The following ALK variants were observed in gnomAD, a reference collection of about 807,000 sequenced individuals.
ALK encodes ALK tyrosine kinase receptor.
Under a neutral mutation model 163.1 loss-of-function variants are expected in ALK, and 74 were observed. The observed-to-expected ratio is 0.45, with a 90% CI of 0.38 to 0.55. The LOEUF (loss-of-function observed/expected upper bound fraction) is 0.55, where lower values mean the gene tolerates loss of function less well. Ranked by LOEUF, ALK falls within the 20% of genes least tolerant of loss-of-function variation. ALK has a pLI of 0.00. For missense variants in ALK, 2,063 were observed against 2,105.3 expected (o/e 0.98, Z 0.39); for synonymous variants, 960 against 843.2 (o/e 1.14, Z -2.40).
intron 5 of ALK, among the ~76,000 whole-genome samples, chr2:29,366,213 T>C (rs1038387755): frequency 6.6e-6 from 1 of 152,126 alleles, no homozygotes; most frequent in Non-Finnish European, 1.5e-5. Context: ...TGTGCAGTGA[T>C]GTGGAACAGA....
At chr2:29,767,819 C>T (rs1680904828) in intron 1 of ALK, among the ~76,000 whole-genome samples, 1 of 152,246 alleles carries the variant, frequency 6.6e-6, no homozygotes, top group Admixed American at 6.5e-5. Context: ...CTGGCGCCAT[C>T]TGGCCTGGCA....
At position 29,209,799 on chromosome 2, in the gene ALK, G is replaced by A. The variant is rs543620241; in HGVS notation, c.3823C>T (p.Arg1275Ter). Residue 1275 changes from arginine (R) to a stop codon, truncating the protein, a stop_gained, in exon 25 of 29, where the codon CGA becomes TGA. Transcript: ENST00000389048. LOFTEE classifies it high-confidence loss of function. Reference sequence around the variant, plus strand: ...GTCTTTACTCACCTGTAGATGTCTCGGGCCATCCCGAAGTCTCCAATCTTG... The same window carrying A: ...GTCTTTACTCACCTGTAGATGTCTCAGGCCATCCCGAAGTCTCCAATCTTG... The part of the protein sequence containing the change: ...VAKIGDFGMA[R>*]DIYRASYYRK... 1.2e-6 allele frequency: 2 copies of A among 1,613,992 alleles called. No homozygotes were observed. The highest frequency in any genetic ancestry group is 1.1e-5 in the South Asian group (1 of 91,076).
At chr2:29,664,720 C>T (rs1677456090) in intron 3 of ALK, among the ~76,000 whole-genome samples, 1 of 152,166 alleles carries the variant, frequency 6.6e-6, no homozygotes, top group African/African-American at 2.4e-5. Flanking sequence ...CCAGGTCCTA[C>T]TATCAGGAGT....
chr2:29,432,827 A>G (rs549111906), intron 4 of ALK, among the ~76,000 whole-genome samples: 1 of 150,074 alleles, frequency 6.7e-6, no homozygotes, highest in South Asian at 2.1e-4. Flanking sequence ...CATGTGCTTC[A>G]CCCCCTGTCT....
intron 4 of ALK, among the ~76,000 whole-genome samples, chr2:29,444,534 A>C (rs1335806870): frequency 6.6e-6 from 1 of 152,132 alleles, no homozygotes; most frequent in Non-Finnish European, 1.5e-5. Flanking sequence ...CTGCGTTATG[A>C]CTTTTGGGGG....
intron 1 of ALK, among the ~76,000 whole-genome samples, chr2:29,789,162 C>T (rs958988106): frequency 1.2e-4 from 18 of 152,058 alleles, no homozygotes; most frequent in African/African-American, 4.1e-4. Context: ...TGAGCACCTC[C>T]TATGGGCACT....
intron 4 of ALK, among the ~76,000 whole-genome samples, chr2:29,507,047 C>T (rs888029785): frequency 6.6e-6 from 1 of 152,284 alleles, no homozygotes; most frequent in South Asian, 2.1e-4. Context: ...AAAGGGAAAG[C>T]AGGGTCTTGA....
At position 29,705,906 on chromosome 2, in the gene ALK, C is replaced by G. The variant is rs74686880; in HGVS notation, c.788-10892G>C. On this transcript the variant is annotated intron_variant, in intron 2 of 28. Coordinates refer to ENST00000389048, the MANE Select transcript of ALK (RefSeq NM_004304.5). ...CACATAAGAGGGAGTATATCCAGCA[C>G]AGCAGGAAGAAAACTTTGTTTCAAG... 5.1e-3 allele frequency among the ~76,000 whole-genome samples: 776 copies of G among 152,266 alleles called. 4 individuals carry two copies. Among genetic ancestry groups the G allele is most frequent in the Middle Eastern group, 0.034 (10 of 294 alleles).
chr2:29,745,585 T>C (rs1253167268), intron 1 of ALK, among the ~76,000 whole-genome samples: 4 of 152,158 alleles, frequency 2.6e-5, no homozygotes, highest in Non-Finnish European at 5.9e-5. Context: ...AAAGGATCAG[T>C]GGTTCTTTGC....
intron 3 of ALK, among the ~76,000 whole-genome samples, chr2:29,561,255 T>TGG (rs1311416312): frequency 2.0e-5 from 3 of 152,186 alleles, no homozygotes; most frequent in Non-Finnish European, 4.4e-5. Context: ...ACAATCCCCA[T>TGG]GCCTCCATTC....
At position 29,643,562 on chromosome 2, in the gene ALK, T is replaced by C. The variant is rs561530962; in HGVS notation, c.952+51288A>G. Among the ~76,000 whole-genome samples the C allele has an allele frequency of 2.0e-4, 30 of 152,208 alleles. No individual in the cohort carries two copies. In the South Asian group the frequency reaches 4.4e-3, roughly 22 times the overall value. ...ACACTGAAAACCTAGAGGATGGGCA[T>C]TGCAAAAGGCTTGGTGGAGGGCAAT... On this transcript the variant is annotated intron_variant, in intron 3 of 28. Coordinates refer to ENST00000389048, the MANE Select transcript of ALK (RefSeq NM_004304.5).
At chr2:29,806,034 T>C (rs13030354) in intron 1 of ALK, among the ~76,000 whole-genome samples, 38,693 of 152,124 alleles carry the variant, frequency 0.25, 5,975 homozygotes, top group African/African-American at 0.44. Flanking sequence ...TGTGTGTCTA[T>C]ACGTCCCCAG....
intron 3 of ALK, among the ~76,000 whole-genome samples, chr2:29,553,980 G>T (rs1048457807): frequency 1.3e-5 from 2 of 152,110 alleles, no homozygotes; most frequent in Admixed American, 1.3e-4. Flanking sequence ...TTTGCTAAAA[G>T]AAATTATTCC....
intron 1 of ALK, among the ~76,000 whole-genome samples, chr2:29,795,538 G>A (rs1385991403): frequency 1.3e-5 from 2 of 152,116 alleles, no homozygotes; most frequent in Non-Finnish European, 2.9e-5. Flanking sequence ...ATTCACTGCT[G>A]CAATCTTTAT....
rs149942354 is a variant in ALK at position 29,918,902 on chromosome 2, G to T, written c.667+1091C>A. ...ATTTGTGTAGGCTTTTTAAAAGCCT[G>T]ATTTCTTTTCTGTGCCTTTCTTATT... On this transcript the variant is annotated intron_variant, in intron 1 of 28. Coordinates refer to ENST00000389048, the MANE Select transcript of ALK (RefSeq NM_004304.5). Among the ~76,000 whole-genome samples the T allele has an allele frequency of 3.0e-4, 45 of 152,240 alleles. No individual in the cohort carries two copies. The East Asian group carries it at 8.7e-3, about 29-fold the overall frequency.
In ALK at chr2:29,686,683, C is replaced by A. The variant is rs573090355; in HGVS notation, c.952+8167G>T. On this transcript the variant is annotated intron_variant, in intron 3 of 28. Transcript: ENST00000389048. ...GCCTATCTCCCTATCTCCCTGTGGG[C>A]AGACCCATGAGGTTCAGTTAGGAGG... Among the ~76,000 whole-genome samples the A allele has an allele frequency of 8.5e-5, 13 of 152,298 alleles. No individual in the cohort carries two copies. The South Asian group carries it at 2.7e-3, about 32-fold the overall frequency.
intron 5 of ALK, among the ~76,000 whole-genome samples, chr2:29,381,186 A>C (rs995971650): frequency 3.3e-5 from 5 of 152,256 alleles, no homozygotes; most frequent in African/African-American, 1.2e-4. Context: ...TGTGAGCTTC[A>C]GTTTCCCCAT....
intron 3 of ALK, among the ~76,000 whole-genome samples, chr2:29,561,580 C>T (rs1165960794): frequency 6.6e-6 from 1 of 152,178 alleles, no homozygotes; most frequent in Non-Finnish European, 1.5e-5. Flanking sequence ...ATAACCTTCA[C>T]ATGTGTTCAT....
chr2:29,526,060 T>A lies in ALK; in HGVS notation c.1154+5855A>T, dbSNP rs575989093. Among the ~76,000 whole-genome samples, 34 of 152,210 alleles carry A rather than the reference T, an allele frequency of 2.2e-4. 1 individual carries two copies. The highest frequency in any genetic ancestry group is 4.0e-4 in the Non-Finnish European group (27 of 67,998). ...AGTGGTTACTCTGAGAAGGAGGGGTTTAAGTGAAATCTGTAACCCTGGCTC... is the reference window on the plus strand; with the variant it reads ...AGTGGTTACTCTGAGAAGGAGGGGTATAAGTGAAATCTGTAACCCTGGCTC... On this transcript the variant is annotated intron_variant, in intron 4 of 28. Transcript: ENST00000389048.
Sources: allele counts gnomAD v4.1 joint callset (sites outside exome capture counted in the v4.1 genomes callset), GRCh38; gene constraint gnomAD v4.1.1; transcripts MANE v1.5; gene names NCBI Gene and HGNC (gene_info 2026-07-23, HGNC 2026-07-21).